Variants in VCAN observed in about 807,000 individuals in gnomAD.
VCAN encodes the protein versican, also known as versican core protein.
VCAN carries 44 observed loss-of-function variants against 245.5 expected under a neutral mutation model. The observed-to-expected ratio is 0.18, with a 90% confidence interval of 0.14 to 0.23. The LOEUF (loss-of-function observed/expected upper bound fraction) is 0.23, where lower values mean the gene tolerates loss of function less well. Ranked by LOEUF, VCAN falls within the 10% of genes least tolerant of loss-of-function variation. VCAN has a pLI of 1.00. For missense variants in VCAN, 3,793 were observed against 4,057.9 expected (o/e 0.93, Z 1.77); for synonymous variants, 1,413 against 1,437.0 (o/e 0.98, Z 0.38).
Position 83,539,792 on chromosome 5 carries a change from A to G in VCAN, c.6789A>G (p.Leu2263=). The change falls in exon 8 of 15, where the codon TTA becomes TTG. Residue 2263 remains leucine, a synonymous_variant. Transcript: ENST00000265077. ...FSGLGSGEEV[L]PTLPTESVNF... Reference sequence around the variant, plus strand: ...GACTGGGATCAGGAGAAGAAGTTTTACCTACTCTACCAACAGAGTCAGTGA... The same window carrying G: ...GACTGGGATCAGGAGAAGAAGTTTTGCCTACTCTACCAACAGAGTCAGTGA... 1 of 1,614,016 alleles carries G rather than the reference A, an allele frequency of 6.2e-7. No individual in the cohort carries two copies. The highest frequency in any genetic ancestry group is 8.5e-7 in the Non-Finnish European group (1 of 1,180,004).
At position 83,541,209 on chromosome 5, in the gene VCAN, G is replaced by C. The variant is rs775754399; in HGVS notation, c.8206G>C (p.Glu2736Gln). 1.2e-6 allele frequency: 2 copies of C among 1,613,964 alleles called. No individual in the cohort carries two copies. The highest frequency in any genetic ancestry group is 1.6e-4 in the Middle Eastern group (1 of 6,062). Residue 2736 changes from glutamate to glutamine, a missense_variant, in exon 8 of 15, where the codon GAA (glutamate) becomes CAA (glutamine). By Grantham distance (29) the Glu-to-Gln change is conservative. Transcript: ENST00000265077. ...TGGTCAAGCTATTGCAGACCAAAGT[G>C]AAATAATACCAACATTGGGCCAATT... The part of the protein sequence containing the change: ...SDGQAIADQS[E>Q]IIPTLGQFER...
chr5:83,499,461 C>T (rs371411743), intron 5 of VCAN, among the ~76,000 whole-genome samples: 23 of 152,182 alleles, frequency 1.5e-4, no homozygotes, highest in East Asian at 1.4e-3. Flanking sequence ...AACTGCCTTC[C>T]ACCACCACCT....
At chr5:83,514,414 A>T (rs528789922) in intron 6 of VCAN, among the ~76,000 whole-genome samples, 7 of 149,798 alleles carry the variant, frequency 4.7e-5, no homozygotes, top group South Asian at 4.2e-4. Context: ...TTTTCAAAAA[A>T]TTTTTTAGTG....
At chr5:83,518,214 G>A (rs1200169492) in intron 6 of VCAN, among the ~76,000 whole-genome samples, 6 of 150,974 alleles carry the variant, frequency 4.0e-5, no homozygotes, top group African/African-American at 1.5e-4. Context: ...CTATTAATAG[G>A]TTTTTATTTT....
In VCAN at chr5:83,521,568, C is replaced by T. The variant is rs1240230001; in HGVS notation, c.3262C>T (p.Pro1088Ser). 5 of 1,613,876 alleles carry T rather than the reference C, an allele frequency of 3.1e-6. No individual in the cohort carries two copies. The highest frequency in any genetic ancestry group is 4.2e-6 in the Non-Finnish European group (5 of 1,180,012). The change falls in exon 7 of 15, where the codon CCA becomes TCA. Residue 1088 changes from proline (P) to serine (S), a missense_variant. Physicochemically the swap from Pro to Ser is moderately conservative, Grantham distance 74. Around this residue, in one of 5 missense-constraint regions of VCAN, gnomAD observed 3,182 missense variants for 3,250.3 expected, o/e 0.98. Coordinates refer to ENST00000265077, the MANE Select transcript of VCAN (RefSeq NM_004385.5). The stretch of plus-strand genomic sequence containing the variant: ...ATTGTTGACAGGTTCTGAGAGGGTC[C>T]CAGTTTTAGAAACAACTCCAGTTGG... The part of the protein sequence containing the change: ...DELLTGSERV[P>S]VLETTPVGKI...
chr5:83,480,766 T>G (rs977820485), intron 1 of VCAN, among the ~76,000 whole-genome samples: 1 of 152,170 alleles, frequency 6.6e-6, no homozygotes, highest in African/African-American at 2.4e-5. Context: ...AAGCATAAAG[T>G]GTATATTGCT....
chr5:83,555,149 G>GC, intron 12 of VCAN, 111 bp downstream of exon 12: 4 of 1,094,728 alleles, frequency 3.7e-6, no homozygotes, highest in Non-Finnish European at 5.5e-6. Context: ...TAAATGACTT[G>GC]CTCAAGGTCA....
At chr5:83,565,396 T>TAAGG (rs1748036075) in intron 12 of VCAN, among the ~76,000 whole-genome samples, 1 of 39,290 alleles carries the variant, frequency 2.5e-5, no homozygotes, top group Admixed American at 2.9e-4. Flanking sequence ...TAAGGGTGTG[T>TAAGG]GTGTGTGTGT....
At chr5:83,573,863 T>C (rs1748380271) in intron 13 of VCAN, among the ~76,000 whole-genome samples, 1 of 152,218 alleles carries the variant, frequency 6.6e-6, no homozygotes, top group Admixed American at 6.5e-5. Context: ...TACCACCGCA[T>C]ATTCAGTCAC....
At chr5:83,524,036 T>G (rs1746199524) in intron 7 of VCAN, among the ~76,000 whole-genome samples, 1 of 152,186 alleles carries the variant, frequency 6.6e-6, no homozygotes, top group South Asian at 2.1e-4. Flanking sequence ...GCTAATAAGT[T>G]GAGTTGAATA....
chr5:83,498,506 G>T (rs888186137), intron 5 of VCAN, among the ~76,000 whole-genome samples: 1 of 152,104 alleles, frequency 6.6e-6, no homozygotes. Context: ...ACTTCTCCAG[G>T]ATCCATCAGT....
chr5:83,549,919 T>C (rs1747395616), intron 10 of VCAN, among the ~76,000 whole-genome samples: 1 of 152,238 alleles, frequency 6.6e-6, no homozygotes, highest in Non-Finnish European at 1.5e-5. Flanking sequence ...TAAACAATTT[T>C]CTATCCAAAG....
chr5:83,550,172 C>T lies in VCAN; in HGVS notation c.9493+2088C>T, dbSNP rs547199032. Among the ~76,000 whole-genome samples, 4 of 152,274 alleles carry T rather than the reference C, an allele frequency of 2.6e-5. No homozygotes were observed. In the East Asian group the frequency reaches 5.8e-4, roughly 22 times the overall value. On this transcript the variant is annotated intron_variant, in intron 10 of 14. Coordinates refer to ENST00000265077, the MANE Select transcript of VCAN (RefSeq NM_004385.5). ...GTGGAGGATGGGCACTTTCTTAGGA[C>T]TTGACAGCTATATGTCAGAGAGGTT... is the stretch of plus-strand genomic sequence containing the variant.
chr5:83,520,197 A>C lies in VCAN; in HGVS notation c.1891A>C (p.Ile631Leu). The C allele has an allele frequency of 6.2e-7, 1 of 1,614,086 alleles. No homozygotes were observed. Among genetic ancestry groups the C allele is most frequent in the Non-Finnish European group, 8.5e-7 (1 of 1,179,974 alleles). ...DWEERQTSGRITEEFLGKYLS... is the reference protein window; with the variant it reads ...DWEERQTSGRLTEEFLGKYLS... ...GGAAGAGAGACAAACTAGTGGTAGG[A>C]TAACGGAAGAGTTTCTTGGCAAATA... Residue 631 changes from isoleucine (I) to leucine (L), a missense_variant, in exon 7 of 15, where the codon ATA (isoleucine) becomes CTA (leucine). This residue lies in a region of VCAN where 3,182 missense variants were observed against 3,250.3 expected (regional missense o/e 0.98). Coordinates refer to ENST00000265077, the MANE Select transcript of VCAN (RefSeq NM_004385.5).
rs1746790575 is a variant in VCAN, at chr5:83,537,913, C to T, written c.4910C>T (p.Pro1637Leu). 4 of 1,613,894 alleles carry T rather than the reference C, an allele frequency of 2.5e-6. No homozygotes were observed. In the East Asian group the frequency reaches 6.7e-5, roughly 27 times the overall value. ...VVELSGSSSI[P>L]ITEGSGEAEE... is the part of the protein sequence containing the mutation. ...GAGCTCTCAGGGAGTTCTTCGATTC[C>T]AATTACAGAAGGCTCTGGAGAAGCA... Residue 1637 changes from proline (P) to leucine (L), a missense_variant, in exon 8 of 15, where the codon CCA becomes CTA. Around this residue, in one of 5 missense-constraint regions of VCAN, gnomAD observed 3,182 missense variants for 3,250.3 expected, o/e 0.98. Transcript: ENST00000265077.
Position 83,521,205 on chromosome 5 carries a change from G to T in VCAN, c.2899G>T (p.Val967Leu). Residue 967 changes from valine to leucine, a missense_variant, in exon 7 of 15, where the codon GTA (valine) becomes TTA (leucine). Val to Leu is a conservative substitution (Grantham distance 32). This residue lies in a region of VCAN where 3,182 missense variants were observed against 3,250.3 expected (regional missense o/e 0.98). Transcript: ENST00000265077. ...YSSTQEPTTY[V>L]DSSHTIPLSV... ...TAGCACCCAAGAGCCTACTACTTATGTAGACTCTTCCCATACCATTCCTCT... is the reference window on the plus strand; with the variant it reads ...TAGCACCCAAGAGCCTACTACTTATTTAGACTCTTCCCATACCATTCCTCT... The T allele has an allele frequency of 6.2e-7, 1 of 1,613,780 alleles. No homozygotes were observed. The highest frequency in any genetic ancestry group is 2.2e-5 in the East Asian group (1 of 44,870).
rs762410993 is a variant in VCAN, at chr5:83,538,112, C to T, written c.5109C>T (p.Thr1703=). ...SEQPSAKVVP[T]KFVSETDTSE... ...AACCTTCTGCAAAAGTGGTGCCTAC[C>T]AAGTTTGTAAGTGAAACAGACACTT... Residue 1703 remains threonine, a synonymous_variant, in exon 8 of 15, where the codon ACC becomes ACT. Coordinates refer to ENST00000265077, the MANE Select transcript of VCAN (RefSeq NM_004385.5). 9.3e-6 allele frequency: 15 copies of T among 1,613,992 alleles called. No homozygotes were observed. The highest frequency in any genetic ancestry group is 3.3e-4 in the Middle Eastern group (2 of 6,062).
intron 7 of VCAN, among the ~76,000 whole-genome samples, chr5:83,524,727 T>C (rs527358845): frequency 6.6e-6 from 1 of 152,232 alleles, no homozygotes; most frequent in Non-Finnish European, 1.5e-5. Context: ...TATGAGAAAT[T>C]TTATCCTCCA....
At position 83,538,353 on chromosome 5, in the gene VCAN, A is replaced by G. The variant is rs761241048; in HGVS notation, c.5350A>G (p.Arg1784Gly). ...CTTGACAACACCAACACAGTCTGAA[A>G]GGGAAATGACAGATTCTACTCCTGT... ...MSLTTPTQSE[R>G]EMTDSTPVFT... Residue 1784 changes from arginine to glycine, a missense_variant, in exon 8 of 15, where the codon AGG becomes GGG. Physicochemically the swap from Arg to Gly is moderately radical, Grantham distance 125. Around this residue, in one of 5 missense-constraint regions of VCAN, gnomAD observed 3,182 missense variants for 3,250.3 expected, o/e 0.98. Transcript: ENST00000265077. 2 of 1,613,970 alleles carry G rather than the reference A, an allele frequency of 1.2e-6. No individual in the cohort carries two copies. The highest frequency in any genetic ancestry group is 1.3e-5 in the African/African-American group (1 of 74,928).
Sources: gnomAD v4.1 joint callset for allele counts (sites outside exome capture counted in the v4.1 genomes callset) on GRCh38, gnomAD v4.1.1 for gene constraint, gnomAD v4.1.1 regional missense constraint, MANE v1.5 for transcripts, NCBI Gene and HGNC (gene_info 2026-07-23, HGNC 2026-07-21) for gene names.